Variants in COL11A1 observed in about 807,000 individuals in gnomAD.
COL11A1 encodes collagen alpha-1(XI) chain.
COL11A1 carries 74 observed loss-of-function variants against 265.2 expected under a neutral mutation model. That is an observed-to-expected ratio of 0.28 (90% CI 0.23 to 0.34). The LOEUF is 0.34. COL11A1 is among the 10% of genes least tolerant of loss of function. The pLI is 1.00. For missense variants in COL11A1, 2,165 were observed against 2,263.6 expected, an observed-to-expected ratio of 0.96 and a Z score of 0.88; for synonymous variants, 816 against 727.6, an observed-to-expected ratio of 1.12 and a Z score of -1.96.
At chr1:103,017,913 A>G (rs1666696180) in intron 10 of COL11A1, 31 bp from the exon 11 acceptor site, 1 of 1,524,754 alleles carries the variant, frequency 6.6e-7, no homozygotes, top group African/African-American at 1.4e-5. Flanking sequence ...TCTTAATCAG[A>G]TTCCTAATCT....
chr1:103,050,386 A>T (rs1669708911), intron 4 of COL11A1, among the ~76,000 whole-genome samples: 1 of 152,152 alleles, frequency 6.6e-6, no homozygotes. Context: ...CTTCCAGTTG[A>T]TCGCATCGGC....
intron 14 of COL11A1, among the ~76,000 whole-genome samples, chr1:103,009,519 T>G (rs2101875369): frequency 6.6e-6 from 1 of 152,252 alleles, no homozygotes; most frequent in African/African-American, 2.4e-5. Flanking sequence ...TATAAACAAG[T>G]TGTGAGGTTT....
chr1:103,090,781 A>G (rs1673255486), intron 1 of COL11A1, among the ~76,000 whole-genome samples: 1 of 152,154 alleles, frequency 6.6e-6, no homozygotes, highest in African/African-American at 2.4e-5. Flanking sequence ...AATACCATCC[A>G]CATTTCCCTA....
chr1:103,002,473 T>C lies in COL11A1; in HGVS notation c.2052A>G (p.Gln684=). ...GTTGACCTGGAGGCCCAGGCTCCCC[T>C]TGGGGACCCTGCCAGAGGAAAATAT... ...PPGPKGNMGP[Q]GEPGPPGQQG... Residue 684 remains glutamine (Q), a synonymous_variant, in exon 23 of 67, where the codon CAA becomes CAG. Coordinates refer to ENST00000370096, the MANE Select transcript of COL11A1 (RefSeq NM_001854.4). The C allele has an allele frequency of 1.2e-6, 2 of 1,609,358 alleles. No homozygotes were observed. Among genetic ancestry groups the C allele is most frequent in the Non-Finnish European group, 1.7e-6 (2 of 1,177,856 alleles).
intron 35 of COL11A1, among the ~76,000 whole-genome samples, chr1:102,976,288 G>GGTTTTTTTTTTTTTTTTTTTTTTT (rs1557893410): frequency 2.2e-5 from 1 of 45,242 alleles, no homozygotes; most frequent in Non-Finnish European, 5.8e-5. Flanking sequence ...GAAAACGTTG[G>GGTTTTTTTTTTTTTTTTTTTTTTT]CTTTTTTTTT....
At chr1:102,984,310 C>A in intron 30 of COL11A1, 119 bp from the exon 31 acceptor site, 1 of 643,598 alleles carries the variant, frequency 1.6e-6, no homozygotes, top group Non-Finnish European at 2.6e-6. Context: ...GGAAGATTTG[C>A]AGATTTTTGT....
chr1:102,949,366 T>C (rs994403951), intron 41 of COL11A1, among the ~76,000 whole-genome samples: 1 of 151,916 alleles, frequency 6.6e-6, no homozygotes. Flanking sequence ...ATTTTATTTG[T>C]AATTGGCTAT....
At chr1:102,923,471 A>G (rs1246682383) in intron 46 of COL11A1, 82 bp from the exon 47 acceptor site, 3 of 1,047,908 alleles carry the variant, frequency 2.9e-6, no homozygotes, top group African/African-American at 3.2e-5. Flanking sequence ...AGATAAAATC[A>G]AGTATAAAGT....
At chr1:103,012,055 TAACA>T (rs1279472827) in intron 14 of COL11A1, among the ~76,000 whole-genome samples, 3 of 152,214 alleles carry the variant, frequency 2.0e-5, no homozygotes, top group African/African-American at 7.2e-5. Flanking sequence ...TTTTCTTTTT[TAACA>T]AACATTTTGT....
At chr1:102,980,510 T>C (rs899378319) in intron 31 of COL11A1, among the ~76,000 whole-genome samples, 1 of 152,082 alleles carries the variant, frequency 6.6e-6, no homozygotes, top group Non-Finnish European at 1.5e-5. Flanking sequence ...GTGGAGAGTT[T>C]TCCTGTTTAG....
At chr1:103,031,937 T>C (rs1416316580) in intron 4 of COL11A1, among the ~76,000 whole-genome samples, 1 of 152,086 alleles carries the variant, frequency 6.6e-6, no homozygotes, top group Middle Eastern at 3.2e-3. Flanking sequence ...ACATTAGTAA[T>C]ATTTAATAAT....
intron 28 of COL11A1, among the ~76,000 whole-genome samples, chr1:102,992,099 A>C (rs188659095): frequency 4.3e-4 from 65 of 152,256 alleles, no homozygotes; most frequent in Non-Finnish European, 8.1e-4. Flanking sequence ...TTTTTAAATT[A>C]TTTTTAAAGT....
chr1:102,898,918 T>A (rs372259972), intron 55 of COL11A1, 23 bp downstream of exon 55: 1 of 1,189,920 alleles, frequency 8.4e-7, no homozygotes, highest in Non-Finnish European at 1.2e-6. Context: ...ATATATATTA[T>A]GTATATATTA....
chr1:102,938,680 A>G (rs1564141), intron 44 of COL11A1, among the ~76,000 whole-genome samples: 143,304 of 152,150 alleles, frequency 0.94, 67,718 homozygotes, highest in East Asian at 1. Flanking sequence ...ATATGGGAAT[A>G]AGTGACCAAT....
At chr1:103,003,293 CT>C in intron 20 of COL11A1, 25 bp from the exon 21 acceptor site, 9 of 1,605,954 alleles carry the variant, frequency 5.6e-6, no homozygotes, top group Non-Finnish European at 7.7e-6. Flanking sequence ...AAAAGCACGC[CT>C]TTATTAAAAA....
intron 4 of COL11A1, among the ~76,000 whole-genome samples, chr1:103,032,922 A>G (rs1668092739): frequency 6.6e-6 from 1 of 152,130 alleles, no homozygotes; most frequent in African/African-American, 2.4e-5. Context: ...AAAATTTACA[A>G]TACAGTGGGC....
At chr1:102,981,396 A>AG (rs11375887) in intron 31 of COL11A1, among the ~76,000 whole-genome samples, 32,137 of 151,376 alleles carry the variant, frequency 0.21, 3,449 homozygotes, top group Non-Finnish European at 0.24. Context: ...AAAAATTTTG[A>AG]GGGGGGGGAC....
At chr1:103,019,293 T>G (rs1254516562) in intron 9 of COL11A1, among the ~76,000 whole-genome samples, 1 of 151,942 alleles carries the variant, frequency 6.6e-6, no homozygotes, top group African/African-American at 2.4e-5. Context: ...TTCAGGGAAA[T>G]TACAGAAAAA....
At chr1:102,911,842 A>T (rs1050804015) in intron 54 of COL11A1, among the ~76,000 whole-genome samples, 1 of 152,170 alleles carries the variant, frequency 6.6e-6, no homozygotes, top group Non-Finnish European at 1.5e-5. Flanking sequence ...CATGTATTAC[A>T]ATAGGAGTTA....
Sources: gnomAD v4.1 joint callset for allele counts (sites outside exome capture counted in the v4.1 genomes callset) on GRCh38, gnomAD v4.1.1 for gene constraint, MANE v1.5 for transcripts, NCBI Gene and HGNC (gene_info 2026-07-23, HGNC 2026-07-21) for gene names.